Variants in XKR4 observed in about 807,000 individuals in gnomAD.
XKR4 encodes the protein XK-related protein 4.
In XKR4, 12 loss-of-function variants were observed where a neutral mutation model predicts 53.9. That is an observed-to-expected ratio of 0.22 (90% CI 0.14 to 0.36). The LOEUF (loss-of-function observed/expected upper bound fraction) is 0.36. Ranked by LOEUF, XKR4 falls within the 10% of genes least tolerant of loss-of-function variation. XKR4 has a pLI of 1.00. For synonymous variants in XKR4, 354 were observed against 362.4 expected, an observed-to-expected ratio of 0.98 and a Z score of 0.26; for missense variants, 799 against 859.5, an observed-to-expected ratio of 0.93 and a Z score of 0.88.
At chr8:55,354,579 C>A (rs988837525) in intron 1 of XKR4, among the ~76,000 whole-genome samples, 1 of 152,076 alleles carries the variant, frequency 6.6e-6, no homozygotes, top group African/African-American at 2.4e-5. Context: ...CTCAGCTATC[C>A]TGGCCCACTC....
intron 2 of XKR4, among the ~76,000 whole-genome samples, chr8:55,380,939 C>T (rs981680293): frequency 6.6e-6 from 1 of 152,204 alleles, no homozygotes; most frequent in African/African-American, 2.4e-5. Flanking sequence ...ATGTTTATTT[C>T]AGTTTATAAA....
intron 2 of XKR4, chr8:55,454,697 C>T (rs1403521225): frequency 3.4e-6 from 3 of 872,044 alleles, no homozygotes; most frequent in African/African-American, 3.3e-5. Flanking sequence ...AGGCCCTCCA[C>T]GTGGACGGCA....
At chr8:55,403,771 C>A (rs1804644203) in intron 2 of XKR4, among the ~76,000 whole-genome samples, 1 of 152,224 alleles carries the variant, frequency 6.6e-6, no homozygotes, top group Admixed American at 6.5e-5. Context: ...TCCTCTTTTT[C>A]TTTTCCTCCC....
rs553667319 is a variant in XKR4 at position 55,415,876 on chromosome 8, G to A, written c.1006+57999G>A. ...ACTCTTGACAGTCTTCTACTGCGGT[G>A]CCTGGCGTAAAGTAGCCTTATGGTA... On this transcript the variant is annotated intron_variant, in intron 2 of 2. Transcript: ENST00000327381. Among the ~76,000 whole-genome samples the A allele has an allele frequency of 2.0e-5, 3 of 152,290 alleles. No homozygotes were observed. The East Asian group carries it at 5.8e-4, about 29-fold the overall frequency.
intron 2 of XKR4, among the ~76,000 whole-genome samples, chr8:55,462,269 T>G (rs1406701944): frequency 2.0e-5 from 3 of 152,206 alleles, no homozygotes; most frequent in Admixed American, 6.5e-5. Flanking sequence ...GACTAACAGC[T>G]GATAGCTTGG....
intron 2 of XKR4, among the ~76,000 whole-genome samples, chr8:55,394,963 A>G (rs1487280700): frequency 6.6e-6 from 1 of 152,190 alleles, no homozygotes. Context: ...CCAAGATAGT[A>G]TTAGTCAGGG....
intron 1 of XKR4, among the ~76,000 whole-genome samples, chr8:55,346,600 G>A (rs532976127): frequency 6.6e-6 from 1 of 152,174 alleles, no homozygotes; most frequent in African/African-American, 2.4e-5. Context: ...TGTTGTGAGT[G>A]TCCTTGTTGC....
intron 1 of XKR4, among the ~76,000 whole-genome samples, chr8:55,111,353 T>C (rs1489070022): frequency 6.6e-6 from 1 of 152,206 alleles, no homozygotes; most frequent in Non-Finnish European, 1.5e-5. Flanking sequence ...GCTCTTATTA[T>C]ACATTCTTTT....
At chr8:55,103,851 G>GTATATATATA (rs60831330) in intron 1 of XKR4, among the ~76,000 whole-genome samples, 10 of 106,016 alleles carry the variant, frequency 9.4e-5, no homozygotes, top group Non-Finnish European at 1.3e-4. Flanking sequence ...AAATGACTTT[G>GTATATATATA]TATATATATA....
intron 2 of XKR4, among the ~76,000 whole-genome samples, chr8:55,496,909 CTG>C (rs1806360457): frequency 1.3e-5 from 2 of 152,132 alleles, no homozygotes. Context: ...GGGAAAATAA[CTG>C]TGTCAAATAT....
Position 55,112,575 on chromosome 8 carries a change from T to TTTTTTG in XKR4, c.806+9286_806+9287insGTTTTT, listed in dbSNP as rs1554560080. ...TTTACTTTTCAGGTTTTTTTTTTTT[T>TTTTTTG]TTTTTTTTTTTTTAGGGAGCAGAGA... On this transcript the variant is annotated intron_variant, in intron 1 of 2. Transcript: ENST00000327381. Among the ~76,000 whole-genome samples, 26 of 139,362 alleles carry TTTTTTG rather than the reference T, an allele frequency of 1.9e-4. 1 individual carries two copies. The East Asian group carries it at 4.2e-3, about 22-fold the overall frequency. The allele number at this position is 139,362 out of a possible 152,430, so 91.4% of individuals were successfully genotyped here.
At chr8:55,143,107 A>G (rs1368113443) in intron 1 of XKR4, among the ~76,000 whole-genome samples, 4 of 152,182 alleles carry the variant, frequency 2.6e-5, no homozygotes, top group Admixed American at 6.5e-5. Context: ...TGGTTCACTT[A>G]TTCTCATTGC....
intron 1 of XKR4, among the ~76,000 whole-genome samples, chr8:55,186,789 T>C (rs16921341): frequency 0.1 from 15,892 of 152,186 alleles, 2,208 homozygotes; most frequent in African/African-American, 0.31. Flanking sequence ...ATATATCCTG[T>C]TTTTCTTGAA....
intron 1 of XKR4, among the ~76,000 whole-genome samples, chr8:55,342,800 CTTA>C (rs1803577204): frequency 6.6e-6 from 1 of 152,202 alleles, no homozygotes; most frequent in Non-Finnish European, 1.5e-5. Context: ...TCCTTCCTGT[CTTA>C]CTTCATTATT....
At chr8:55,315,605 A>G (rs1220421160) in intron 1 of XKR4, among the ~76,000 whole-genome samples, 2 of 152,152 alleles carry the variant, frequency 1.3e-5, no homozygotes, top group African/African-American at 4.8e-5. Flanking sequence ...GCCACAGTGA[A>G]CTATGATCAT....
chr8:55,244,784 G>T (rs1818260593), intron 1 of XKR4, among the ~76,000 whole-genome samples: 1 of 151,892 alleles, frequency 6.6e-6, no homozygotes, highest in African/African-American at 2.4e-5. Context: ...ACATCACATT[G>T]TGGTTTTGAT....
At chr8:55,370,803 G>A (rs1213709220) in intron 2 of XKR4, among the ~76,000 whole-genome samples, 1 of 152,088 alleles carries the variant, frequency 6.6e-6, no homozygotes, top group South Asian at 2.1e-4. Context: ...GATGGGGGCA[G>A]CACTCCAGGG....
At chr8:55,165,584 G>T (rs1817054392) in intron 1 of XKR4, among the ~76,000 whole-genome samples, 1 of 151,954 alleles carries the variant, frequency 6.6e-6, no homozygotes, top group South Asian at 2.1e-4. Context: ...TCAGCGAAGA[G>T]GGGTTTCAAA....
At chr8:55,493,505 A>G (rs997614824) in intron 2 of XKR4, among the ~76,000 whole-genome samples, 1 of 152,250 alleles carries the variant, frequency 6.6e-6, no homozygotes, top group Non-Finnish European at 1.5e-5. Context: ...ATCCCAACTG[A>G]GCACAAAATC....
Sources: gnomAD v4.1 joint callset for allele counts (sites outside exome capture counted in the v4.1 genomes callset) on GRCh38, gnomAD v4.1.1 for gene constraint, MANE v1.5 for transcripts, NCBI Gene and HGNC (gene_info 2026-07-23, HGNC 2026-07-21) for gene names.